Variants in CCDC150 observed in about 807,000 individuals in gnomAD.
CCDC150 encodes coiled-coil domain-containing protein 150.
CCDC150 carries 151 observed loss-of-function variants against 156.5 expected under a neutral mutation model. The observed-to-expected ratio is 0.97, with a 90% CI of 0.85 to 1.10. CCDC150 has a LOEUF of 1.10. Among genes scored for constraint, CCDC150 ranks in the 50% least tolerant of loss-of-function variants. The pLI, the probability that CCDC150 is intolerant of heterozygous loss-of-function variation, is 0.00. For synonymous variants in CCDC150, 452 were observed against 429.4 expected, an observed-to-expected ratio of 1.05 and a Z score of -0.65; for missense variants, 1,312 against 1,268.1, an observed-to-expected ratio of 1.03 and a Z score of -0.53.
At position 196,646,369 on chromosome 2, in the gene CCDC150, C is replaced by T. The variant is rs753502575; in HGVS notation, c.41C>T (p.Pro14Leu). 12 of 1,613,634 alleles carry T rather than the reference C, an allele frequency of 7.4e-6. No homozygotes were observed. The highest frequency in any genetic ancestry group is 2.2e-5 in the East Asian group (1 of 44,900). Residue 14 changes from proline to leucine, a missense_variant, in exon 2 of 28, where the codon CCG becomes CTG. By Grantham distance (98) the Pro-to-Leu change is moderately conservative (BLOSUM62 -3). Transcript: ENST00000389175. Reference protein sequence around the residue: ...KVHMETTVSRPVLSPTHINAT... With the variant: ...KVHMETTVSRLVLSPTHINAT... Reference sequence around the variant, plus strand: ...CATATGGAAACTACAGTGTCCAGACCGGTCCTTTCTCCAACCCACATCAAC... The same window carrying T: ...CATATGGAAACTACAGTGTCCAGACTGGTCCTTTCTCCAACCCACATCAAC...
intron 19 of CCDC150, 21 bp from the exon 20 acceptor site, chr2:196,720,554 T>C: frequency 6.2e-7 from 1 of 1,602,608 alleles, no homozygotes. Context: ...TAGTCACTCT[T>C]TTTGTGCTTT....
chr2:196,681,852 TTAG>T (rs1171290825), intron 13 of CCDC150, among the ~76,000 whole-genome samples: 1 of 152,146 alleles, frequency 6.6e-6, no homozygotes, highest in Non-Finnish European at 1.5e-5. Flanking sequence ...TTTACATATT[TTAG>T]ATACTACAAC....
At chr2:196,727,359 T>G in intron 22 of CCDC150, 1 of 152,046 alleles carries the variant, frequency 6.6e-6, no homozygotes, top group East Asian at 1.9e-4. Flanking sequence ...TGAGCCGAGA[T>G]GGTGCCACTG....
At chr2:196,689,057 A>G (rs1575841748) in intron 13 of CCDC150, among the ~76,000 whole-genome samples, 1 of 152,020 alleles carries the variant, frequency 6.6e-6, no homozygotes, top group Non-Finnish European at 1.5e-5. Flanking sequence ...ATAGTTGTAG[A>G]TATGCGGCGT....
At chr2:196,657,158 A>G (rs1693256897) in intron 4 of CCDC150, 22 bp downstream of exon 4, 1 of 1,612,054 alleles carries the variant, frequency 6.2e-7, no homozygotes, top group Non-Finnish European at 8.5e-7. Context: ...AGAGTTCTGA[A>G]GTATAAACAC....
At chr2:196,672,961 C>T (rs1022338094) in intron 9 of CCDC150, among the ~76,000 whole-genome samples, 1 of 152,162 alleles carries the variant, frequency 6.6e-6, no homozygotes, top group Non-Finnish European at 1.5e-5. Context: ...ATTGGAGTTA[C>T]TTATCACAGA....
intron 13 of CCDC150, among the ~76,000 whole-genome samples, chr2:196,682,035 A>G (rs1694858536): frequency 6.6e-6 from 1 of 152,074 alleles, no homozygotes; most frequent in Admixed American, 6.5e-5. Context: ...TGCCTAACTC[A>G]AGATCATATA....
rs192651581 is a variant in CCDC150, at chr2:196,652,189, A to T, written c.177-4444A>T. ...GGACCCCAAATCTTGTTCTTCTCGC[A>T]CTGCAAAATATAATTATCACTTCTC... On this transcript the variant is annotated intron_variant, in intron 2 of 27. Coordinates refer to ENST00000389175, the MANE Select transcript of CCDC150 (RefSeq NM_001080539.2). Among the ~76,000 whole-genome samples the T allele has an allele frequency of 4.1e-3, 628 of 152,306 alleles. 2 individuals carry two copies. The highest frequency in any genetic ancestry group is 0.024 in the Middle Eastern group (7 of 294).
At chr2:196,713,807 A>G in intron 17 of CCDC150, 1 of 1,074,070 alleles carries the variant, frequency 9.3e-7, no homozygotes, top group Non-Finnish European at 1.2e-6. Context: ...TCACAAATAG[A>G]AAAAAGACTA....
chr2:196,695,699 C>T (rs565633258), intron 14 of CCDC150, among the ~76,000 whole-genome samples: 12 of 151,432 alleles, frequency 7.9e-5, no homozygotes, highest in Non-Finnish European at 1.0e-4. Context: ...AAAAATTAGC[C>T]GGGCGTGGTG....
intron 21 of CCDC150, among the ~76,000 whole-genome samples, chr2:196,723,131 A>C (rs1698018221): frequency 6.6e-6 from 1 of 152,204 alleles, no homozygotes; most frequent in African/African-American, 2.4e-5. Flanking sequence ...GGTTTCAGGT[A>C]CAGTTACTTA....
chr2:196,645,866 GTAA>G (rs1316135307), intron 1 of CCDC150, among the ~76,000 whole-genome samples: 1 of 152,180 alleles, frequency 6.6e-6, no homozygotes, highest in Non-Finnish European at 1.5e-5. Context: ...AGGTTGAATG[GTAA>G]TAATGTTATG....
In CCDC150 at chr2:196,672,409, C is replaced by A; in HGVS notation, c.1001C>A (p.Ser334Tyr). ...ENAYLRSEIM[S>Y]LHEASEKAQV... ...GCATATTTGAGGTCCGAAATAATGT[C>A]TCTTCATGAAGCATCAGAAAAAGCA... is the stretch of plus-strand genomic sequence containing the variant. Residue 334 changes from serine to tyrosine, a missense_variant, in exon 9 of 28, where the codon TCT becomes TAT. Coordinates refer to ENST00000389175, the MANE Select transcript of CCDC150 (RefSeq NM_001080539.2). 1.3e-6 allele frequency: 2 copies of A among 1,538,926 alleles called. No homozygotes were observed. The highest frequency in any genetic ancestry group is 1.7e-6 in the Non-Finnish European group (2 of 1,144,206).
At chr2:196,701,315 G>A (rs1337819802) in intron 15 of CCDC150, 135 bp downstream of exon 15, 1 of 659,042 alleles carries the variant, frequency 1.5e-6, no homozygotes, top group African/African-American at 1.9e-5. Context: ...CCTTAAGTTT[G>A]TGGCCTCATT....
chr2:196,703,976 C>T (rs549793591), intron 15 of CCDC150, among the ~76,000 whole-genome samples: 4 of 152,176 alleles, frequency 2.6e-5, no homozygotes, highest in Non-Finnish European at 5.9e-5. Context: ...AGGTCTTGGG[C>T]TGCCACATTC....
Position 196,718,515 on chromosome 2 carries a change from C to G in CCDC150, c.1879C>G (p.Leu627Val), listed in dbSNP as rs1273933665. 2 of 1,608,564 alleles carry G rather than the reference C, an allele frequency of 1.2e-6. No homozygotes were observed. Residue 627 changes from leucine (L) to valine (V), a missense_variant, in exon 18 of 28, where the codon CTT becomes GTT. Physicochemically the swap from Leu to Val is conservative, Grantham distance 32. Coordinates refer to ENST00000389175, the MANE Select transcript of CCDC150 (RefSeq NM_001080539.2). The part of the protein sequence containing the change: ...DAHLKEVKSI[L>V]ERSKEELSRT... ...TTTTCCTACTTAGGTGAAATCTATT[C>G]TTGAAAGAAGTAAAGAGGAGCTGTC...
rs777382954 is a variant in CCDC150 at position 196,712,169 on chromosome 2, C to A, written c.1720C>A (p.Gln574Lys). Residue 574 changes from glutamine to lysine, a missense_variant, in exon 16 of 28, where the codon CAA becomes AAA. Gln to Lys is a moderately conservative substitution (Grantham distance 53). Coordinates refer to ENST00000389175, the MANE Select transcript of CCDC150 (RefSeq NM_001080539.2). ...GATAAAAGTTAAACAGCTAGAAGAA[C>A]AAGTACAGTCTTTTACTGACACCAG... ...LQIKVKQLEE[Q>K]VQSFTDTSLQ... is the part of the protein sequence containing the mutation. 25 of 1,566,580 alleles carry A rather than the reference C, an allele frequency of 1.6e-5. No individual in the cohort carries two copies. Among genetic ancestry groups the A allele is most frequent in the Admixed American group, 5.4e-5 (3 of 55,354 alleles).
intron 13 of CCDC150, among the ~76,000 whole-genome samples, chr2:196,693,063 A>G (rs544350683): frequency 6.6e-6 from 1 of 152,276 alleles, no homozygotes; most frequent in South Asian, 2.1e-4. Context: ...CCATTATGTA[A>G]TGCCCTTCTT....
intron 13 of CCDC150, among the ~76,000 whole-genome samples, chr2:196,684,534 G>A (rs1695016327): frequency 6.6e-6 from 1 of 152,050 alleles, no homozygotes; most frequent in Admixed American, 6.6e-5. Flanking sequence ...ATTATTGGGA[G>A]GATTGTTCTA....
Sources: gnomAD v4.1 joint callset for allele counts (sites outside exome capture counted in the v4.1 genomes callset) on GRCh38, gnomAD v4.1.1 for gene constraint, MANE v1.5 for transcripts, NCBI Gene and HGNC (gene_info 2026-07-23, HGNC 2026-07-21) for gene names.